B4GALT6: variants seen among roughly 807,000 people sequenced by gnomAD.
The protein encoded by B4GALT6 is UDP-Gal:beta-GlcNAc beta-1,4-galactosyltransferase 6.
B4GALT6 carries 14 observed loss-of-function variants against 46.3 expected under a neutral mutation model. The ratio of observed to expected loss-of-function variants is 0.30; its 90% CI spans 0.20 to 0.47. The LOEUF (loss-of-function observed/expected upper bound fraction) is 0.47, where lower values mean the gene tolerates loss of function less well. Ranked by LOEUF, B4GALT6 falls within the 20% of genes least tolerant of loss-of-function variation. B4GALT6 has a pLI of 0.99. For synonymous variants in B4GALT6, 168 were observed against 162.0 expected, an observed-to-expected ratio of 1.04 and a Z score of -0.28; for missense variants, 386 against 480.1, an observed-to-expected ratio of 0.80 and a Z score of 1.83.
chr18:31,679,622 T>G (rs1159572739), intron 1 of B4GALT6, among the ~76,000 whole-genome samples: 1 of 152,216 alleles, frequency 6.6e-6, no homozygotes. Context: ...CTCAGATGTG[T>G]TGGAGGATAA....
At chr18:31,706,491 C>T in the B4GALT6 span, among the ~76,000 whole-genome samples, 4 of 151,962 alleles carry the variant, frequency 2.6e-5, no homozygotes, top group Non-Finnish European at 5.9e-5. Context: ...ATTAGCTGGG[C>T]GTGGTGGTGG....
At chr18:31,721,792 C>T in the B4GALT6 span, among the ~76,000 whole-genome samples, 145 of 152,314 alleles carry the variant, frequency 9.5e-4, no homozygotes, top group African/African-American at 3.1e-3. Context: ...GAGTTTCTAA[C>T]TTGGCATCCT....
chr18:31,628,552 G>A (rs2073732747), intron 6 of B4GALT6, among the ~76,000 whole-genome samples: 1 of 152,150 alleles, frequency 6.6e-6, no homozygotes, highest in African/African-American at 2.4e-5. Flanking sequence ...CTAAAGAAGA[G>A]AAAACAAAAC....
chr18:31,668,973 G>A (rs540144951), intron 1 of B4GALT6, among the ~76,000 whole-genome samples: 16 of 150,246 alleles, frequency 1.1e-4, no homozygotes, highest in East Asian at 3.9e-4. Context: ...CCAGGACTGC[G>A]CCACTGCACT....
intron 2 of B4GALT6, among the ~76,000 whole-genome samples, chr18:31,661,079 G>GAGTTAA (rs571822028): frequency 1.3e-5 from 2 of 152,126 alleles, no homozygotes; most frequent in Non-Finnish European, 2.9e-5. Flanking sequence ...GGGGGAAAAA[G>GAGTTAA]AGTTAACAAG....
Position 31,661,622 on chromosome 18 carries a change from TAG to T in B4GALT6, c.233-3535_233-3534del, listed in dbSNP as rs561723312. ...CAGAAAAAAAGATGGGCTAGCTATA[TAG>T]AGATGATAATTTTTCTGAATCTCTT... On this transcript the variant is annotated intron_variant, in intron 2 of 8. Coordinates refer to ENST00000306851, the MANE Select transcript of B4GALT6 (RefSeq NM_004775.5). Among the ~76,000 whole-genome samples the T allele has an allele frequency of 4.6e-5, 7 of 152,292 alleles. No homozygotes were observed. The South Asian group carries it at 1.4e-3, about 32-fold the overall frequency.
chr18:31,636,500 T>C (rs1418762104), intron 5 of B4GALT6, among the ~76,000 whole-genome samples: 1 of 152,146 alleles, frequency 6.6e-6, no homozygotes, highest in Non-Finnish European at 1.5e-5. Context: ...AGCAAATAAG[T>C]GCATGAAAAG....
chr18:31,640,739 C>T (rs1355161226), intron 4 of B4GALT6, among the ~76,000 whole-genome samples: 1 of 152,188 alleles, frequency 6.6e-6, no homozygotes, highest in East Asian at 1.9e-4. Flanking sequence ...CCAAGACCTC[C>T]TTCCTGCCCC....
At chr18:31,715,531 A>G in the B4GALT6 span, among the ~76,000 whole-genome samples, 2 of 130,270 alleles carry the variant, frequency 1.5e-5, no homozygotes, top group African/African-American at 5.8e-5. Context: ...CCTGGTCTGG[A>G]ACTGTCTTTT....
chr18:31,697,396 AG>A, the B4GALT6 span, among the ~76,000 whole-genome samples: 4 of 136,130 alleles, frequency 2.9e-5, no homozygotes. Flanking sequence ...TGTTAGAGGA[AG>A]GGGGAAGAGG....
chr18:31,665,544 C>T (rs2144681597), intron 2 of B4GALT6, among the ~76,000 whole-genome samples: 1 of 152,086 alleles, frequency 6.6e-6, no homozygotes, highest in East Asian at 1.9e-4. Context: ...TTGAGACCAT[C>T]TTGGCTAACA....
chr18:31,637,662 A>G (rs2073876521), intron 5 of B4GALT6, among the ~76,000 whole-genome samples: 1 of 152,186 alleles, frequency 6.6e-6, no homozygotes, highest in Middle Eastern at 3.2e-3. Flanking sequence ...CAACTACCCC[A>G]CAGTACAAAG....
intron 1 of B4GALT6, among the ~76,000 whole-genome samples, chr18:31,668,607 C>A (rs1329655825): frequency 6.6e-6 from 1 of 152,038 alleles, no homozygotes; most frequent in Non-Finnish European, 1.5e-5. Flanking sequence ...ATAGACTGTA[C>A]ACATTGCTGT....
chr18:31,686,993 T>G (rs1286048215), upstream of B4GALT6, among the ~76,000 whole-genome samples: 1 of 152,234 alleles, frequency 6.6e-6, no homozygotes, highest in Non-Finnish European at 1.5e-5. Context: ...TTATAGAATT[T>G]GATGATTCAT....
At chr18:31,628,163 G>A in intron 6 of B4GALT6, among the ~76,000 whole-genome samples, 1 of 152,136 alleles carries the variant, frequency 6.6e-6, no homozygotes, top group East Asian at 1.9e-4. Flanking sequence ...CTCATCCTAG[G>A]TCAAAGGTAC....
At chr18:31,678,524 AC>A (rs1314910343) in intron 1 of B4GALT6, among the ~76,000 whole-genome samples, 1 of 152,226 alleles carries the variant, frequency 6.6e-6, no homozygotes, top group African/African-American at 2.4e-5. Context: ...CAACTCGGGC[AC>A]AGTAGAATGA....
rs533472316 is a variant in B4GALT6, at chr18:31,638,035, C to A, written c.588+609G>T. ...ACTATAAGCCAAAGACACATTTAAT[C>A]CTGTAAGGTAAATATAAGCTGTACA... On this transcript the variant is annotated intron_variant, in intron 5 of 8. Coordinates refer to ENST00000306851, the MANE Select transcript of B4GALT6 (RefSeq NM_004775.5). Among the ~76,000 whole-genome samples the A allele has an allele frequency of 3.3e-5, 5 of 152,030 alleles. No individual in the cohort carries two copies. The South Asian group carries it at 1.0e-3, about 32-fold the overall frequency.
the B4GALT6 span, among the ~76,000 whole-genome samples, chr18:31,707,363 G>A: frequency 6.6e-6 from 1 of 151,424 alleles, no homozygotes. Flanking sequence ...AGGAGTGCCT[G>A]TGACCCAAAC....
At position 31,666,378 on chromosome 18, in the gene B4GALT6, A is replaced by G; in HGVS notation, c.116-6T>C. On this transcript the variant is annotated splice_region_variant and splice_polypyrimidine_tract_variant and intron_variant, in intron 1 of 8. Transcript: ENST00000306851. The stretch of plus-strand genomic sequence containing the variant: ...CATAAAGAGATATGTGTTGGCTATA[A>G]AAGAAAAATAGAGAAAGAATGTCAT... 1 of 1,428,040 alleles carries G rather than the reference A, an allele frequency of 7.0e-7. No homozygotes were observed. 88.5% of individuals were successfully genotyped at this position (1,428,040 alleles called of 1,614,324 possible).
Sources: allele counts gnomAD v4.1 joint callset (sites outside exome capture counted in the v4.1 genomes callset), GRCh38; gene constraint gnomAD v4.1.1; transcripts MANE v1.5; gene names NCBI Gene and HGNC (gene_info 2026-07-23, HGNC 2026-07-21).